ANK3: variants seen among roughly 807,000 people sequenced by gnomAD.
ANK3 encodes the protein ankyrin 3.
In ANK3, 57 loss-of-function variants were observed where a neutral mutation model predicts 370.9. The ratio of observed to expected loss-of-function variants is 0.15; its 90% confidence interval spans 0.12 to 0.19. The LOEUF is 0.19. Among genes scored for constraint, ANK3 ranks in the 10% least tolerant of loss-of-function variants. The probability of loss-of-function intolerance (pLI) is 1.00; values close to 1 mark genes in which losing one functional copy is unlikely to be tolerated. For synonymous variants in ANK3, 1,929 were observed against 1,946.3 expected (o/e 0.99, Z 0.23); for missense variants, 4,439 against 5,302.1 (o/e 0.84, Z 5.06).
At chr10:60,137,436 A>C (rs1313474479) in intron 24 of ANK3, 1 of 324,038 alleles carries the variant, frequency 3.1e-6, no homozygotes, top group African/African-American at 2.2e-5. Flanking sequence ...AAAAGAAAAA[A>C]AATGTTATGG....
intron 9 of ANK3, among the ~76,000 whole-genome samples, chr10:60,210,766 A>G (rs1047198908): frequency 7.2e-5 from 11 of 152,218 alleles, no homozygotes; most frequent in African/African-American, 2.7e-4. Context: ...CAAACTTCAG[A>G]ATATGAAAAG....
At chr10:60,605,921 G>C (rs1157775868) in intron 2 of ANK3, among the ~76,000 whole-genome samples, 1 of 152,150 alleles carries the variant, frequency 6.6e-6, no homozygotes, top group African/African-American at 2.4e-5. Context: ...AAAAGTTCCT[G>C]CCTTCTAAAG....
intron 2 of ANK3, among the ~76,000 whole-genome samples, chr10:60,515,163 G>A (rs1390499886): frequency 6.6e-6 from 1 of 152,146 alleles, no homozygotes; most frequent in Admixed American, 6.5e-5. Context: ...TTGGGGTGAT[G>A]CAGGTACAGA....
chr10:60,094,856 A>T (rs1048861253), intron 28 of ANK3, among the ~76,000 whole-genome samples: 1 of 152,230 alleles, frequency 6.6e-6, no homozygotes, highest in Non-Finnish European at 1.5e-5. Context: ...TGTAAATAAA[A>T]CCCTAGATAA....
chr10:60,068,553 C>T (rs527902924), intron 37 of ANK3, 84 bp downstream of exon 37: 275 of 1,413,162 alleles, frequency 1.9e-4, no homozygotes, highest in Middle Eastern at 5.6e-4. Flanking sequence ...CTAGGGTCTA[C>T]GAGTTGGAAA....
chr10:60,105,987 A>G lies in ANK3; in HGVS notation c.3246T>C (p.Ser1082=). The change falls in exon 28 of 44, where the codon AGT becomes AGC. Residue 1082 remains serine, a synonymous_variant. Transcript: ENST00000280772. ...GCTCCTTCCAAGTTTCACCATTTTC[A>G]CTTCGAAGAACAATGAGTTCTCTCT... is the stretch of plus-strand genomic sequence containing the variant. The part of the protein sequence containing the change: ...GKERELIVLR[S]ENGETWKEHQ... 11 of 1,612,816 alleles carry G rather than the reference A, an allele frequency of 6.8e-6. No individual in the cohort carries two copies. Among genetic ancestry groups the G allele is most frequent in the Non-Finnish European group, 9.3e-6 (11 of 1,179,406 alleles).
intron 1 of ANK3, among the ~76,000 whole-genome samples, chr10:60,679,644 G>A (rs190664328): frequency 1.2e-4 from 19 of 152,208 alleles, no homozygotes; most frequent in South Asian, 6.2e-4. Context: ...CCGTGCATGC[G>A]GATAGCCTAC....
At chr10:60,100,137 G>A (rs2090931866) in intron 28 of ANK3, among the ~76,000 whole-genome samples, 1 of 150,296 alleles carries the variant, frequency 6.7e-6, no homozygotes, top group Non-Finnish European at 1.5e-5. Context: ...GGACTGTTCT[G>A]CTACAGTTTC....
rs535217335 is a variant in ANK3, at chr10:60,607,088, G to C, written c.96+8098C>G. ...AAAAATAGTCTTTATGTAAGAAAAG[G>C]CTTATTTAATCAGCCTTCCTGTCCA... is the stretch of plus-strand genomic sequence containing the variant. On this transcript the variant is annotated intron_variant, in intron 2 of 43. Coordinates refer to the ANK3 transcript ENST00000373827. Among the ~76,000 whole-genome samples the C allele has an allele frequency of 6.6e-5, 10 of 152,244 alleles. No homozygotes were observed. The East Asian group carries it at 1.5e-3, about 24-fold the overall frequency.
intron 32 of ANK3, 77 bp downstream of exon 32, chr10:60,084,525 G>C (rs1343897800): frequency 2.6e-6 from 3 of 1,146,956 alleles, no homozygotes; most frequent in Non-Finnish European, 3.9e-6. Context: ...TTTATAGTGA[G>C]TGCTATTAAG....
intron 2 of ANK3, among the ~76,000 whole-genome samples, chr10:60,606,999 G>A (rs973830264): frequency 1.3e-4 from 20 of 152,094 alleles, no homozygotes; most frequent in African/African-American, 4.6e-4. Flanking sequence ...CTCATGCAGA[G>A]GTATCAAGGA....
intron 25 of ANK3, among the ~76,000 whole-genome samples, chr10:60,124,626 G>GTT (rs1160914179): frequency 6.6e-6 from 1 of 152,222 alleles, no homozygotes; most frequent in Non-Finnish European, 1.5e-5. Flanking sequence ...TAATAGTGGT[G>GTT]TTTTTGCTTT....
chr10:60,603,985 G>A (rs1232320390), intron 2 of ANK3, among the ~76,000 whole-genome samples: 1 of 152,160 alleles, frequency 6.6e-6, no homozygotes, highest in African/African-American at 2.4e-5. Context: ...TTTAAAAACT[G>A]TTCATTAGTA....
intron 1 of ANK3, among the ~76,000 whole-genome samples, chr10:60,628,844 A>C (rs1345787934): frequency 6.6e-6 from 1 of 152,214 alleles, no homozygotes; most frequent in African/African-American, 2.4e-5. Flanking sequence ...AAAAATGATT[A>C]TTTGTAGACA....
At chr10:60,423,712 C>T (rs2063823467) in intron 2 of ANK3, among the ~76,000 whole-genome samples, 1 of 151,978 alleles carries the variant, frequency 6.6e-6, no homozygotes. Context: ...TCCCCACTCT[C>T]CACTGTATTT....
chr10:60,174,715 A>T (rs532014675), intron 18 of ANK3, among the ~76,000 whole-genome samples: 2 of 152,274 alleles, frequency 1.3e-5, no homozygotes, highest in South Asian at 4.1e-4. Context: ...TGTGTTGATT[A>T]GGTATATATA....
At chr10:60,725,764 T>G (rs1025440681) in intron 1 of ANK3, among the ~76,000 whole-genome samples, 1 of 152,162 alleles carries the variant, frequency 6.6e-6, no homozygotes, top group South Asian at 2.1e-4. Flanking sequence ...ATTTTTGTTC[T>G]TATAATGAAA....
intron 42 of ANK3, chr10:60,043,986 T>G: frequency 7.1e-6 from 7 of 985,846 alleles, no homozygotes; most frequent in Non-Finnish European, 8.4e-6. Context: ...GCTGCCACAC[T>G]GCAGATGCCA....
intron 2 of ANK3, among the ~76,000 whole-genome samples, chr10:60,591,115 T>C (rs915099499): frequency 1.3e-5 from 2 of 152,028 alleles, no homozygotes; most frequent in African/African-American, 4.8e-5. Context: ...GGGGTTGGCG[T>C]CCAGCAGCGA....
Sources: allele counts gnomAD v4.1 joint callset (sites outside exome capture counted in the v4.1 genomes callset), GRCh38; gene constraint gnomAD v4.1.1; transcripts MANE v1.5; gene names NCBI Gene and HGNC (gene_info 2026-07-23, HGNC 2026-07-21).